NUP133: variants seen among roughly 807,000 people sequenced by gnomAD.
NUP133 encodes the protein nucleoporin 133, also known as nuclear pore complex protein Nup133.
In NUP133, 66 loss-of-function variants were observed where a neutral mutation model predicts 146.2. That is an observed-to-expected ratio of 0.45 (90% CI 0.37 to 0.55). The LOEUF (loss-of-function observed/expected upper bound fraction) is 0.55. Ranked by LOEUF, NUP133 falls within the 20% of genes least tolerant of loss-of-function variation. NUP133 has a pLI of 0.00. For synonymous variants in NUP133, 521 were observed against 498.8 expected, an observed-to-expected ratio of 1.04 and a Z score of -0.59; for missense variants, 1,277 against 1,374.8, an observed-to-expected ratio of 0.93 and a Z score of 1.12.
intron 4 of NUP133, among the ~76,000 whole-genome samples, 178 bp from the exon 5 acceptor site, chr1:229,499,996 T>C (rs1661756716): frequency 6.6e-6 from 1 of 152,240 alleles, no homozygotes; most frequent in African/African-American, 2.4e-5. Context: ...ATGCTGAACA[T>C]CTCTTCATGT....
intron 18 of NUP133, among the ~76,000 whole-genome samples, chr1:229,464,255 G>T (rs1474486234): frequency 5.3e-5 from 8 of 152,112 alleles, no homozygotes. Context: ...TCCTAGCCTG[G>T]AGTATAATGT....
chr1:229,469,843 G>A (rs1386477975), intron 15 of NUP133, among the ~76,000 whole-genome samples: 2 of 152,214 alleles, frequency 1.3e-5, no homozygotes, highest in Non-Finnish European at 2.9e-5. Flanking sequence ...TGGCCAACAA[G>A]GGTGAAACCA....
intron 22 of NUP133, 58 bp downstream of exon 22, chr1:229,452,467 A>C: frequency 7.2e-7 from 1 of 1,394,514 alleles, no homozygotes; most frequent in South Asian, 1.3e-5. Context: ...ATGGCCCAAC[A>C]AACACCAAAA....
At position 229,487,413 on chromosome 1, in the gene NUP133, C is replaced by G. The variant is rs538060818; in HGVS notation, c.1342+53G>C. The G allele has an allele frequency of 9.0e-6, 14 of 1,559,528 alleles. No individual in the cohort carries two copies. The African/African-American group carries it at 1.9e-4, about 22-fold the overall frequency. ...CATTCAGGGAAAGAGAAAAAAAGCA[C>G]TCAGAATGACTAATGAGCTCACCAA... is the stretch of plus-strand genomic sequence containing the variant. On this transcript the variant is annotated intron_variant, in intron 10 of 25. Coordinates refer to ENST00000261396, the MANE Select transcript of NUP133 (RefSeq NM_018230.3).
intron 22 of NUP133, among the ~76,000 whole-genome samples, chr1:229,451,293 A>G (rs1485105927): frequency 2.0e-5 from 3 of 151,962 alleles, no homozygotes; most frequent in African/African-American, 7.2e-5. Flanking sequence ...CAGCTACTCC[A>G]GAGGCTGAGG....
intron 4 of NUP133, among the ~76,000 whole-genome samples, chr1:229,500,417 TCAATA>T (rs1239252546): frequency 1.3e-5 from 2 of 152,162 alleles, no homozygotes; most frequent in Non-Finnish European, 1.5e-5. Context: ...AAGGGAAAAT[TCAATA>T]CAATACAATA....
chr1:229,459,497 A>G (rs1382101098), intron 20 of NUP133, among the ~76,000 whole-genome samples: 4 of 152,112 alleles, frequency 2.6e-5, no homozygotes, highest in Non-Finnish European at 5.9e-5. Context: ...ATGTATGTAT[A>G]TATGTATATG....
intron 21 of NUP133, among the ~76,000 whole-genome samples, chr1:229,453,475 A>C (rs912448395): frequency 1.4e-5 from 2 of 147,022 alleles, no homozygotes; most frequent in African/African-American, 5.4e-5. Flanking sequence ...CATTAAACAC[A>C]GGAAAAAATA....
chr1:229,470,189 A>C (rs1240712562), intron 15 of NUP133, among the ~76,000 whole-genome samples: 1 of 150,938 alleles, frequency 6.6e-6, no homozygotes, highest in Non-Finnish European at 1.5e-5. Flanking sequence ...AAATATGAAA[A>C]TTAGCCGGGG....
chr1:229,448,799 T>C, intron 24 of NUP133: 2 of 326,890 alleles, frequency 6.1e-6, no homozygotes, highest in South Asian at 7.0e-5. Context: ...AGCAAATTAA[T>C]CAAACCCAAG....
intron 9 of NUP133, among the ~76,000 whole-genome samples, chr1:229,489,364 C>A (rs985993863): frequency 6.6e-5 from 10 of 152,196 alleles, no homozygotes; most frequent in African/African-American, 2.2e-4. Flanking sequence ...TCAATACCTT[C>A]TTTCTACCTA....
intron 15 of NUP133, among the ~76,000 whole-genome samples, chr1:229,467,126 T>C (rs1193099808): frequency 6.6e-6 from 1 of 152,214 alleles, no homozygotes; most frequent in Non-Finnish European, 1.5e-5. Context: ...AATAATGACC[T>C]CAAAAAGTGA....
At chr1:229,508,019 C>T (rs771553857) in intron 1 of NUP133, 49 bp downstream of exon 1, 4 of 1,410,466 alleles carry the variant, frequency 2.8e-6, no homozygotes, top group Non-Finnish European at 3.7e-6. Flanking sequence ...CGGCCCACTG[C>T]GGCCCGTGAG....
chr1:229,481,288 T>C (rs1661206404), intron 12 of NUP133, among the ~76,000 whole-genome samples: 1 of 152,166 alleles, frequency 6.6e-6, no homozygotes, highest in East Asian at 1.9e-4. Context: ...CCAGGTTGAA[T>C]AGTGTCTCCC....
At chr1:229,498,606 A>C (rs923885245) in intron 5 of NUP133, among the ~76,000 whole-genome samples, 1 of 152,044 alleles carries the variant, frequency 6.6e-6, no homozygotes, top group Non-Finnish European at 1.5e-5. Context: ...AAATACAAAA[A>C]TTAGCTGGGC....
intron 12 of NUP133, among the ~76,000 whole-genome samples, chr1:229,483,031 T>C (rs1238652859): frequency 6.6e-6 from 1 of 152,206 alleles, no homozygotes; most frequent in Non-Finnish European, 1.5e-5. Flanking sequence ...TTGTCAGCTA[T>C]GTTAAATGAG....
At chr1:229,470,008 G>C (rs974769605) in intron 15 of NUP133, among the ~76,000 whole-genome samples, 2 of 152,152 alleles carry the variant, frequency 1.3e-5, no homozygotes, top group African/African-American at 4.8e-5. Context: ...CCTGGCAACA[G>C]AGCAAGACTT....
chr1:229,458,054 A>G, intron 21 of NUP133, 107 bp downstream of exon 21: 1 of 1,129,868 alleles, frequency 8.9e-7, no homozygotes, highest in Non-Finnish European at 1.2e-6. Context: ...TCTTAGAGAC[A>G]GGTCCTGTTT....
chr1:229,491,810 G>A (rs1287312477), intron 8 of NUP133, among the ~76,000 whole-genome samples: 1 of 152,088 alleles, frequency 6.6e-6, no homozygotes, highest in East Asian at 1.9e-4. Context: ...AGGCATAGTG[G>A]CTTATGTGTT....
Sources: allele counts gnomAD v4.1 joint callset (sites outside exome capture counted in the v4.1 genomes callset), GRCh38; gene constraint gnomAD v4.1.1; transcripts MANE v1.5; gene names NCBI Gene and HGNC (gene_info 2026-07-23, HGNC 2026-07-21).